Variants in HSP90AA1 observed in about 807,000 individuals in gnomAD.
The protein encoded by HSP90AA1 is heat shock protein HSP 90-alpha.
In HSP90AA1, 18 loss-of-function variants were observed where a neutral mutation model predicts 73.3. The observed-to-expected ratio is 0.25, with a 90% CI of 0.17 to 0.36. The LOEUF (loss-of-function observed/expected upper bound fraction) is 0.36, where lower values mean the gene tolerates loss of function less well. Among genes scored for constraint, HSP90AA1 ranks in the 10% least tolerant of loss-of-function variants. The probability of loss-of-function intolerance (pLI) is 1.00; values close to 1 mark genes in which losing one functional copy is unlikely to be tolerated. For missense variants in HSP90AA1, 704 were observed against 874.2 expected (o/e 0.81, Z 2.45); for synonymous variants, 477 against 296.9 (o/e 1.61, Z -6.24).
At chr14:102,128,268 G>C (rs2049861894) in intron 1 of HSP90AA1, among the ~76,000 whole-genome samples, 1 of 152,112 alleles carries the variant, frequency 6.6e-6, no homozygotes, top group Non-Finnish European at 1.5e-5. Flanking sequence ...GAGGTGGGTG[G>C]ATCACTTGAG....
chr14:102,081,975 A>T (rs1208547387), intron 10 of HSP90AA1, 136 bp downstream of exon 10: 4 of 777,076 alleles, frequency 5.1e-6, no homozygotes, highest in African/African-American at 1.7e-5. Flanking sequence ...ACTTATCCCT[A>T]AAAAAAACAT....
chr14:102,110,004 G>A (rs2049617928), intron 1 of HSP90AA1, among the ~76,000 whole-genome samples: 2 of 152,144 alleles, frequency 1.3e-5, no homozygotes, highest in Admixed American at 1.3e-4. Context: ...TGCAATATCA[G>A]TTCATTGCAA....
rs180859611 is a variant in HSP90AA1, at chr14:102,101,774, T to C, written c.366+101A>G. 7.9e-5 allele frequency: 72 copies of C among 910,284 alleles called. 1 individual carries two copies. Among genetic ancestry groups the C allele is most frequent in the South Asian group, 6.7e-4 (48 of 71,856 alleles). 56.4% of individuals were successfully genotyped at this position (910,284 alleles called of 1,614,324 possible). On this transcript the variant is annotated intron_variant, in intron 2 of 11. Coordinates refer to the HSP90AA1 transcript ENST00000334701. ...GAATAAACAATAAAGAGAGTGACAT[T>C]GTTTTAGCTTTCTGTGACTCCAACC...
intron 9 of HSP90AA1, chr14:102,082,687 C>T: frequency 1.8e-6 from 1 of 540,576 alleles, no homozygotes; most frequent in Non-Finnish European, 3.3e-6. Context: ...GTGGTGCGAT[C>T]TTGGCTCACT....
chr14:102,099,377 G>A (rs2049464815), intron 2 of HSP90AA1, among the ~76,000 whole-genome samples: 1 of 152,118 alleles, frequency 6.6e-6, no homozygotes, highest in East Asian at 1.9e-4. Flanking sequence ...TGACCAACAT[G>A]GAGAAACCCC....
rs2050146274 is a variant in HSP90AA1 at position 102,139,124 on chromosome 14, G to A, written c.155+126C>T. ...CTCCGCTAAGAAGCGGAGGCCGCCA[G>A]TGCTCATCACACGCAGGAATTAGGA... On this transcript the variant is annotated intron_variant, in intron 1 of 11. Coordinates refer to the HSP90AA1 transcript ENST00000334701. The A allele has an allele frequency of 6.8e-6, 8 of 1,183,010 alleles. No homozygotes were observed. The Admixed American group carries it at 1.6e-4, about 23-fold the overall frequency. The allele number at this position is 1,183,010 out of a possible 1,614,324, so 73.3% of individuals were successfully genotyped here.
rs1197501360 is a variant in HSP90AA1 at position 102,082,519 on chromosome 14, G to A, written c.1756-75C>T. 9 of 1,190,746 alleles carry A rather than the reference G, an allele frequency of 7.6e-6. No homozygotes were observed. In the Admixed American group the frequency reaches 1.6e-4, roughly 21 times the overall value. The allele number at this position is 1,190,746 out of a possible 1,614,324, so 73.8% of individuals were successfully genotyped here. A position where few individuals can be genotyped will look rare whatever the true frequency, so the allele number is the denominator to read the frequency against. On this transcript the variant is annotated intron_variant, in intron 9 of 10. Coordinates refer to ENST00000216281, the MANE Select transcript of HSP90AA1 (RefSeq NM_005348.4). ...CTTTCATTGTGAAATGAAATCTGTA[G>A]AACCCAAATTTCAATAGATCCAAAA...
chr14:102,132,411 G>T (rs949094800), intron 1 of HSP90AA1, among the ~76,000 whole-genome samples: 13 of 152,106 alleles, frequency 8.5e-5, no homozygotes, highest in African/African-American at 2.9e-4. Flanking sequence ...GCTGGGCATG[G>T]TGGTACGTTC....
intron 2 of HSP90AA1, among the ~76,000 whole-genome samples, chr14:102,096,732 G>A (rs2049430286): frequency 6.6e-6 from 1 of 152,144 alleles, no homozygotes; most frequent in Admixed American, 6.5e-5. Context: ...GGAACCCTTC[G>A]CCCAAAGGCC....
chr14:102,086,994 A>C lies in HSP90AA1; in HGVS notation c.-9T>G, dbSNP rs2049258444. ...CCACAACCACCCGTCACCTTGGCTA[A>C]GTGACCGCACAGGACCAACGGCACA... is the stretch of plus-strand genomic sequence containing the variant. On this transcript the variant is annotated 5_prime_UTR_variant, in exon 1 of 11. Transcript: ENST00000216281. The C allele has an allele frequency of 2.0e-6, 2 of 985,204 alleles. No homozygotes were observed. The highest frequency in any genetic ancestry group is 1.0e-3 in the Middle Eastern group (2 of 1,912). 61.0% of individuals were successfully genotyped at this position (985,204 alleles called of 1,614,324 possible).
At chr14:102,084,163 G>C (rs1021404049) in intron 6 of HSP90AA1, 180 bp from the exon 7 acceptor site, 10 of 687,154 alleles carry the variant, frequency 1.5e-5, no homozygotes, top group African/African-American at 1.4e-4. Flanking sequence ...TCTGCCTCCC[G>C]GGGGGGTTCA....
intron 1 of HSP90AA1, among the ~76,000 whole-genome samples, chr14:102,114,296 C>G (rs542723883): frequency 6.6e-6 from 1 of 152,204 alleles, no homozygotes; most frequent in East Asian, 1.9e-4. Context: ...CTGCACCTGG[C>G]CATGTCATTT....
intron 3 of HSP90AA1, 77 bp downstream of exon 3, chr14:102,085,681 G>A (rs1221550140): frequency 3.1e-6 from 5 of 1,592,746 alleles, no homozygotes; most frequent in South Asian, 1.1e-5. Context: ...AAGCTTCACC[G>A]CATCCCCAGG....
At chr14:102,085,650 T>C in intron 3 of HSP90AA1, 108 bp downstream of exon 3, 1 of 1,533,242 alleles carries the variant, frequency 6.5e-7, no homozygotes, top group Non-Finnish European at 9.0e-7. Context: ...TTCCTGATCG[T>C]TGGGCAAACA....
chr14:102,083,477 A>C, intron 8 of HSP90AA1, 69 bp downstream of exon 8: 1 of 1,514,202 alleles, frequency 6.6e-7, no homozygotes, highest in Non-Finnish European at 9.2e-7. Flanking sequence ...ACCTGAGTAG[A>C]AAACACACCC....
At chr14:102,091,645 AAG>A, upstream of HSP90AA1, among the ~76,000 whole-genome samples, 1 of 151,896 alleles carries the variant, frequency 6.6e-6, no homozygotes, top group South Asian at 2.1e-4. Context: ...CAAACAAAAA[AAG>A]AGACAGTCTC....
intron 1 of HSP90AA1, among the ~76,000 whole-genome samples, chr14:102,114,480 G>C: frequency 6.6e-6 from 1 of 152,300 alleles, no homozygotes; most frequent in East Asian, 1.9e-4. Flanking sequence ...TGGGCAATTT[G>C]TTGGGAAACC....
At chr14:102,112,454 G>T (rs967467947) in intron 1 of HSP90AA1, among the ~76,000 whole-genome samples, 1 of 152,148 alleles carries the variant, frequency 6.6e-6, no homozygotes, top group Non-Finnish European at 1.5e-5. Flanking sequence ...GGTTACGGGC[G>T]TGAGCCACCG....
intron 4 of HSP90AA1, 118 bp from the exon 5 acceptor site, chr14:102,085,116 G>C: frequency 1.3e-6 from 2 of 1,550,256 alleles, no homozygotes; most frequent in South Asian, 1.1e-5. Flanking sequence ...GAAGCACCCA[G>C]CTTTTCATCA....
Sources: gnomAD v4.1 joint callset for allele counts (sites outside exome capture counted in the v4.1 genomes callset) on GRCh38, gnomAD v4.1.1 for gene constraint, MANE v1.5 for transcripts, NCBI Gene and HGNC (gene_info 2026-07-23, HGNC 2026-07-21) for gene names.